The following KCNH7 variants were observed in gnomAD, a reference collection of about 807,000 sequenced individuals.
The protein encoded by KCNH7 is voltage-gated inwardly rectifying potassium channel KCNH7.
In KCNH7, 49 loss-of-function variants were observed where a neutral mutation model predicts 120.8. That is an observed-to-expected ratio of 0.41 (90% CI 0.32 to 0.51). KCNH7 has a LOEUF of 0.51. Ranked by LOEUF, KCNH7 falls within the 20% of genes least tolerant of loss-of-function variation. KCNH7 has a pLI of 0.38. For synonymous variants in KCNH7, 547 were observed against 516.1 expected (o/e 1.06, Z -0.81); for missense variants, 1,097 against 1,446.6 (o/e 0.76, Z 3.92).
At chr2:162,752,902 G>GAAAAAAGAAAAGAAATGAAAAGAAAAGAA (rs140501872) in intron 2 of KCNH7, among the ~76,000 whole-genome samples, 1 of 61,218 alleles carries the variant, frequency 1.6e-5, no homozygotes. Context: ...CTACATCTCA[G>GAAAAAAGAAAAGAAATGAAAAGAAAAGAA]AAAAAGAAAA....
At position 162,739,690 on chromosome 2, in the gene KCNH7, C is replaced by T. The variant is rs533697846; in HGVS notation, c.307+96847G>A. On this transcript the variant is annotated intron_variant, in intron 2 of 15. Coordinates refer to ENST00000332142, the MANE Select transcript of KCNH7 (RefSeq NM_033272.4). ...TGAGACCTGATCATTGGGAGGGTCT[C>T]CTCAAAATATTTCCATGTAGCTTGG... Among the ~76,000 whole-genome samples, 11 of 152,176 alleles carry T rather than the reference C, an allele frequency of 7.2e-5. No homozygotes were observed. In the South Asian group the frequency reaches 2.3e-3, roughly 32 times the overall value.
At chr2:162,412,784 C>T (rs977454331) in intron 9 of KCNH7, among the ~76,000 whole-genome samples, 4 of 152,104 alleles carry the variant, frequency 2.6e-5, no homozygotes, top group South Asian at 2.1e-4. Flanking sequence ...GTTTAAGTGT[C>T]GTATAATCAC....
At chr2:162,373,318 T>G (rs1686034096) in intron 15 of KCNH7, 152 bp downstream of exon 15, 3 of 449,088 alleles carry the variant, frequency 6.7e-6, no homozygotes, top group Non-Finnish European at 1.2e-5. Context: ...AAATGCAGAT[T>G]ACAGGGCCCA....
At chr2:162,442,356 C>T (rs986116424) in intron 7 of KCNH7, among the ~76,000 whole-genome samples, 13 of 151,694 alleles carry the variant, frequency 8.6e-5, no homozygotes, top group South Asian at 2.1e-4. Context: ...AAAACGTATA[C>T]GCCAATATAT....
chr2:162,574,909 A>G (rs141067250), intron 2 of KCNH7, among the ~76,000 whole-genome samples: 1 of 152,222 alleles, frequency 6.6e-6, no homozygotes, highest in East Asian at 1.9e-4. Context: ...GATCACATGT[A>G]TTTCAGGTGG....
chr2:162,540,799 A>ATG (rs1491306385), intron 2 of KCNH7, among the ~76,000 whole-genome samples: 1 of 152,060 alleles, frequency 6.6e-6, no homozygotes, highest in East Asian at 1.9e-4. Context: ...TTTCCTTCAC[A>ATG]TGTGTGTGTG....
intron 2 of KCNH7, among the ~76,000 whole-genome samples, chr2:162,693,910 A>G (rs960379509): frequency 1.3e-5 from 2 of 152,184 alleles, no homozygotes; most frequent in Non-Finnish European, 2.9e-5. Context: ...GTCAATTAAT[A>G]TATTATGGAT....
chr2:162,686,278 G>A (rs1303439063), intron 2 of KCNH7, among the ~76,000 whole-genome samples: 1 of 152,032 alleles, frequency 6.6e-6, no homozygotes, highest in East Asian at 1.9e-4. Flanking sequence ...TTAGCTGGAT[G>A]TTAAAAACAA....
intron 2 of KCNH7, among the ~76,000 whole-genome samples, chr2:162,800,125 C>T (rs771921483): frequency 1.3e-5 from 2 of 151,606 alleles, no homozygotes; most frequent in Non-Finnish European, 3.0e-5. Context: ...CATAGGGCAT[C>T]CACTGAGCCT....
chr2:162,513,973 A>G (rs1280231508), intron 4 of KCNH7, among the ~76,000 whole-genome samples: 1 of 151,796 alleles, frequency 6.6e-6, no homozygotes, highest in African/African-American at 2.4e-5. Context: ...ACTTGCCACT[A>G]ACAAAATATG....
intron 2 of KCNH7, chr2:162,768,786 G>C (rs1422364378): frequency 7.3e-6 from 1 of 137,232 alleles, no homozygotes; most frequent in East Asian, 2.2e-4. Context: ...ATGTCGAATC[G>C]CCAAGTATCA....
intron 2 of KCNH7, among the ~76,000 whole-genome samples, chr2:162,647,658 C>T (rs115944376): frequency 0.02 from 3,042 of 152,236 alleles, 109 homozygotes; most frequent in African/African-American, 0.068. Context: ...CTCTTGCCTG[C>T]CACCATTTAA....
intron 2 of KCNH7, among the ~76,000 whole-genome samples, chr2:162,608,136 T>C (rs1386149486): frequency 6.6e-6 from 1 of 152,186 alleles, no homozygotes; most frequent in Admixed American, 6.5e-5. Flanking sequence ...AGGAGTCATG[T>C]TCTAAATATA....
chr2:162,768,424 T>G (rs1194333276), intron 2 of KCNH7, among the ~76,000 whole-genome samples: 1 of 152,116 alleles, frequency 6.6e-6, no homozygotes, highest in Admixed American at 6.6e-5. Flanking sequence ...TCCATTTACC[T>G]CTGAAGTCAA....
intron 6 of KCNH7, among the ~76,000 whole-genome samples, chr2:162,478,153 A>G (rs1046917524): frequency 3.3e-5 from 5 of 152,272 alleles, no homozygotes; most frequent in Admixed American, 3.3e-4. Context: ...ACACAAGTAG[A>G]GCCCATTAGA....
intron 2 of KCNH7, among the ~76,000 whole-genome samples, chr2:162,752,830 G>A (rs1393056041): frequency 6.7e-6 from 1 of 149,550 alleles, no homozygotes; most frequent in Non-Finnish European, 1.5e-5. Flanking sequence ...GAACCCAGGA[G>A]GCAGAGGTTG....
At chr2:162,647,586 G>A (rs184970208) in intron 2 of KCNH7, among the ~76,000 whole-genome samples, 19 of 152,168 alleles carry the variant, frequency 1.2e-4, no homozygotes, top group Non-Finnish European at 1.8e-4. Flanking sequence ...CTGTTCTCGT[G>A]GTAGTAAATA....
At chr2:162,590,700 T>C (rs946218623) in intron 2 of KCNH7, among the ~76,000 whole-genome samples, 8 of 152,252 alleles carry the variant, frequency 5.3e-5, no homozygotes, top group African/African-American at 1.7e-4. Context: ...CTCTGAAATA[T>C]GTAACAAGCC....
intron 6 of KCNH7, among the ~76,000 whole-genome samples, chr2:162,498,671 G>A (rs1002478812): frequency 6.6e-6 from 1 of 152,064 alleles, no homozygotes; most frequent in Non-Finnish European, 1.5e-5. Context: ...TCCACAAGAT[G>A]ATCACATGGC....
Sources: allele counts gnomAD v4.1 joint callset (sites outside exome capture counted in the v4.1 genomes callset), GRCh38; gene constraint gnomAD v4.1.1; transcripts MANE v1.5; gene names NCBI Gene and HGNC (gene_info 2026-07-23, HGNC 2026-07-21).